Variants in TRPM3 observed in about 807,000 individuals in gnomAD.
TRPM3 encodes the protein transient receptor potential cation channel subfamily M member 3.
Under a neutral mutation model 181.2 loss-of-function variants are expected in TRPM3, and 77 were observed. That is an observed-to-expected ratio of 0.42 (90% CI 0.35 to 0.51). The LOEUF is 0.51. TRPM3 is among the 20% of genes least tolerant of loss of function. TRPM3 has a pLI of 0.01. For missense variants in TRPM3, 1,759 were observed against 2,196.7 expected, an observed-to-expected ratio of 0.80 and a Z score of 3.98; for synonymous variants, 745 against 796.4, an observed-to-expected ratio of 0.94 and a Z score of 1.09.
chr9:70,954,123 G>GA (rs2133734510), intron 1 of TRPM3, among the ~76,000 whole-genome samples: 1 of 152,224 alleles, frequency 6.6e-6, no homozygotes, highest in Admixed American at 6.5e-5. Flanking sequence ...AAAGCAGAAG[G>GA]AAACCAAAGA....
At chr9:71,135,751 A>G (rs911266828) in intron 1 of TRPM3, among the ~76,000 whole-genome samples, 1 of 152,196 alleles carries the variant, frequency 6.6e-6, no homozygotes, top group Non-Finnish European at 1.5e-5. Flanking sequence ...CATCTGGCTC[A>G]GATATATTTG....
chr9:71,192,006 T>C (rs2078060300), intron 1 of TRPM3, among the ~76,000 whole-genome samples: 1 of 151,826 alleles, frequency 6.6e-6, no homozygotes, highest in Non-Finnish European at 1.5e-5. Context: ...CTTGCTCTGC[T>C]TTTTCAGTCT....
intron 1 of TRPM3, among the ~76,000 whole-genome samples, chr9:71,020,511 G>A (rs370431174): frequency 2.7e-5 from 4 of 150,630 alleles, no homozygotes; most frequent in South Asian, 2.1e-4. Flanking sequence ...CACCTAGACA[G>A]TTTTAAGAAA....
chr9:70,635,398 G>A, intron 11 of TRPM3, 137 bp from the exon 12 acceptor site: 2 of 585,582 alleles, frequency 3.4e-6, no homozygotes, highest in South Asian at 4.3e-5. Flanking sequence ...GTTGCTCAGT[G>A]TATCTGCCTT....
intron 1 of TRPM3, among the ~76,000 whole-genome samples, chr9:70,932,542 G>T (rs2096785625): frequency 6.6e-6 from 1 of 152,162 alleles, no homozygotes; most frequent in Non-Finnish European, 1.5e-5. Flanking sequence ...TCTGAAGGAA[G>T]ATAATAGGCC....
chr9:71,093,434 C>T (rs1264749183), intron 1 of TRPM3, among the ~76,000 whole-genome samples: 1 of 151,780 alleles, frequency 6.6e-6, no homozygotes, highest in Admixed American at 6.6e-5. Flanking sequence ...AGGATATGAA[C>T]AGACACTTCT....
chr9:71,197,899 G>T (rs2078497981), intron 1 of TRPM3, among the ~76,000 whole-genome samples: 2 of 150,096 alleles, frequency 1.3e-5, no homozygotes, highest in South Asian at 2.1e-4. Flanking sequence ...GTCAATTTTG[G>T]CTTTTGTTGC....
chr9:71,342,634 G>A (rs940620475), intron 1 of TRPM3, among the ~76,000 whole-genome samples: 1 of 152,030 alleles, frequency 6.6e-6, no homozygotes, highest in African/African-American at 2.4e-5. Context: ...TAAAATAGGT[G>A]ACATTTTGAA....
intron 3 of TRPM3, among the ~76,000 whole-genome samples, chr9:70,855,465 A>G (rs1179747728): frequency 6.6e-6 from 1 of 152,210 alleles, no homozygotes; most frequent in Non-Finnish European, 1.5e-5. Context: ...CTGCAGAACA[A>G]TGAATCTGGC....
chr9:70,793,585 A>G (rs1419979913), intron 6 of TRPM3: 1 of 470,104 alleles, frequency 2.1e-6, no homozygotes, highest in Non-Finnish European at 4.4e-6. Context: ...TTTGCATGAG[A>G]TTATCATGAT....
intron 1 of TRPM3, among the ~76,000 whole-genome samples, chr9:71,214,976 AT>A (rs1360467056): frequency 6.9e-6 from 1 of 144,662 alleles, no homozygotes; most frequent in Non-Finnish European, 1.5e-5. Flanking sequence ...TGATTCTATC[AT>A]TTTTTTGTTT....
At chr9:71,375,623 C>A (rs2092647977) in intron 1 of TRPM3, among the ~76,000 whole-genome samples, 1 of 152,078 alleles carries the variant, frequency 6.6e-6, no homozygotes, top group African/African-American at 2.4e-5. Flanking sequence ...GCAAACTACC[C>A]ATCTGACAAA....
chr9:71,172,849 A>G (rs1010116451), intron 1 of TRPM3, among the ~76,000 whole-genome samples: 10 of 152,218 alleles, frequency 6.6e-5, no homozygotes, highest in African/African-American at 2.2e-4. Flanking sequence ...AAGATGGTGT[A>G]ACGTATAGCA....
intron 8 of TRPM3, among the ~76,000 whole-genome samples, chr9:70,685,124 T>C (rs2066434997): frequency 6.6e-6 from 1 of 152,312 alleles, no homozygotes; most frequent in African/African-American, 2.4e-5. Flanking sequence ...TCATCAACAT[T>C]TTGCTAATAT....
chr9:70,881,787 T>C (rs983083801), intron 1 of TRPM3, among the ~76,000 whole-genome samples: 4 of 152,222 alleles, frequency 2.6e-5, no homozygotes, highest in African/African-American at 9.6e-5. Context: ...CTTTAGAGTT[T>C]TCCCCCATTG....
intron 21 of TRPM3, among the ~76,000 whole-genome samples, chr9:70,597,274 G>A (rs2059186502): frequency 1.3e-5 from 2 of 151,954 alleles, no homozygotes; most frequent in Admixed American, 6.5e-5. Context: ...GTCTCACTGT[G>A]CTGCCCAAGC....
At chr9:70,948,852 A>G (rs546862145) in intron 1 of TRPM3, among the ~76,000 whole-genome samples, 73 of 152,250 alleles carry the variant, frequency 4.8e-4, no homozygotes, top group African/African-American at 1.7e-3. Context: ...TATTGCCAAG[A>G]ATAGTAATTA....
At chr9:71,363,379 C>T (rs145859826) in intron 1 of TRPM3, among the ~76,000 whole-genome samples, 339 of 152,264 alleles carry the variant, frequency 2.2e-3, no homozygotes, top group African/African-American at 7.8e-3. Context: ...TGGGAGATTA[C>T]AATTACCATT....
intron 4 of TRPM3, among the ~76,000 whole-genome samples, chr9:70,845,538 C>T (rs957617818): frequency 1.3e-5 from 2 of 152,124 alleles, no homozygotes; most frequent in African/African-American, 2.4e-5. Context: ...CCATACCTGG[C>T]CCGAGATAAT....
Sources: allele counts gnomAD v4.1 joint callset (sites outside exome capture counted in the v4.1 genomes callset), GRCh38; gene constraint gnomAD v4.1.1; transcripts MANE v1.5; gene names NCBI Gene and HGNC (gene_info 2026-07-23, HGNC 2026-07-21).